Variants in MTHFD2L observed in about 807,000 individuals in gnomAD.
MTHFD2L encodes the protein methylenetetrahydrofolate dehydrogenase (NADP+ dependent) 2 like, also known as bifunctional methylenetetrahydrofolate dehydrogenase/cyclohydrolase 2, mitochondrial.
Under a neutral mutation model 34.9 loss-of-function variants are expected in MTHFD2L, and 29 were observed. The observed-to-expected ratio is 0.83, with a 90% CI of 0.62 to 1.13. MTHFD2L has a LOEUF of 1.13. Among genes scored for constraint, MTHFD2L ranks in the 50% most tolerant of loss-of-function variants. The pLI, the probability that MTHFD2L is intolerant of heterozygous loss-of-function variation, is 0.00. For synonymous variants in MTHFD2L, 167 were observed against 155.7 expected, an observed-to-expected ratio of 1.07 and a Z score of -0.54; for missense variants, 481 against 446.5, an observed-to-expected ratio of 1.08 and a Z score of -0.70.
chr4:74,240,175 G>A (rs1334705273), intron 6 of MTHFD2L, among the ~76,000 whole-genome samples: 4 of 152,190 alleles, frequency 2.6e-5, no homozygotes, highest in Non-Finnish European at 5.9e-5. Flanking sequence ...AGGGTTTTGA[G>A]CAGTTTGGAA....
intron 6 of MTHFD2L, among the ~76,000 whole-genome samples, chr4:74,278,249 A>T (rs930845218): frequency 6.6e-6 from 1 of 152,098 alleles, no homozygotes; most frequent in Non-Finnish European, 1.5e-5. Context: ...AGAGTTTGCT[A>T]AAAATATATT....
intron 1 of MTHFD2L, among the ~76,000 whole-genome samples, chr4:74,167,873 G>T (rs1427158267): frequency 6.6e-6 from 1 of 152,094 alleles, no homozygotes; most frequent in Non-Finnish European, 1.5e-5. Flanking sequence ...AATTTCTCAG[G>T]TCAGAAATGT....
chr4:74,214,874 G>T (rs921786293), intron 5 of MTHFD2L, among the ~76,000 whole-genome samples: 19 of 151,896 alleles, frequency 1.3e-4, no homozygotes, highest in Non-Finnish European at 2.4e-4. Flanking sequence ...CCTGACAGGG[G>T]CTGCTGCCTT....
At chr4:74,200,234 C>T (rs1460100351) in intron 4 of MTHFD2L, among the ~76,000 whole-genome samples, 1 of 152,056 alleles carries the variant, frequency 6.6e-6, no homozygotes, top group Admixed American at 6.6e-5. Context: ...ATGGCATGAA[C>T]CTGGGAGGCG....
At chr4:74,275,342 A>G (rs534636982) in intron 6 of MTHFD2L, among the ~76,000 whole-genome samples, 16 of 152,242 alleles carry the variant, frequency 1.1e-4, no homozygotes, top group Middle Eastern at 3.4e-3. Context: ...TATCCAGTCC[A>G]TCATTGATGG....
intron 1 of MTHFD2L, among the ~76,000 whole-genome samples, chr4:74,142,193 TTA>T (rs1191781260): frequency 1.3e-5 from 2 of 152,234 alleles, no homozygotes; most frequent in African/African-American, 4.8e-5. Flanking sequence ...CCTTGAAGTC[TTA>T]TGTTTTACCT....
intron 5 of MTHFD2L, among the ~76,000 whole-genome samples, chr4:74,215,394 G>A (rs1048532897): frequency 6.6e-6 from 1 of 151,792 alleles, no homozygotes; most frequent in African/African-American, 2.4e-5. Flanking sequence ...TATCTGGGCT[G>A]GAATGCATCG....
intron 1 of MTHFD2L, among the ~76,000 whole-genome samples, chr4:74,140,180 T>G (rs1578244929): frequency 6.6e-6 from 1 of 151,864 alleles, no homozygotes; most frequent in East Asian, 1.9e-4. Context: ...GGCACATGCC[T>G]GTAGTCCTAG....
At chr4:74,205,407 T>G (rs528036450) in intron 5 of MTHFD2L, among the ~76,000 whole-genome samples, 1 of 152,306 alleles carries the variant, frequency 6.6e-6, no homozygotes, top group East Asian at 1.9e-4. Context: ...ATGCCGTGTA[T>G]TTATTTCTTT....
chr4:74,185,152 A>C (rs1292845266), intron 3 of MTHFD2L, among the ~76,000 whole-genome samples: 1 of 101,544 alleles, frequency 9.8e-6, no homozygotes, highest in African/African-American at 6.0e-5. Flanking sequence ...ACTCCATCTC[A>C]AAAAAAAAAA....
At chr4:74,189,263 T>C (rs1246779769) in intron 3 of MTHFD2L, among the ~76,000 whole-genome samples, 2 of 152,074 alleles carry the variant, frequency 1.3e-5, no homozygotes, top group Non-Finnish European at 2.9e-5. Flanking sequence ...AAATACCCAA[T>C]ATTTTGTTTC....
At chr4:74,186,427 A>G (rs1182741321) in intron 3 of MTHFD2L, among the ~76,000 whole-genome samples, 9 of 104,470 alleles carry the variant, frequency 8.6e-5, no homozygotes, top group African/African-American at 2.8e-4. Flanking sequence ...GGAAAATTCA[A>G]GGGAATCCAT....
chr4:74,199,283 G>A (rs748411830), intron 3 of MTHFD2L, among the ~76,000 whole-genome samples: 13 of 152,014 alleles, frequency 8.6e-5, no homozygotes, highest in African/African-American at 1.4e-4. Context: ...GTGTGTGTGC[G>A]TGTGTGTTTT....
At chr4:74,168,281 A>T (rs1463731724) in intron 1 of MTHFD2L, among the ~76,000 whole-genome samples, 1 of 152,112 alleles carries the variant, frequency 6.6e-6, no homozygotes, top group Non-Finnish European at 1.5e-5. Context: ...TTCCACTGCA[A>T]CCATTGGCCT....
intron 6 of MTHFD2L, among the ~76,000 whole-genome samples, chr4:74,235,211 TAGAA>T (rs2110151765): frequency 6.6e-6 from 1 of 152,282 alleles, no homozygotes; most frequent in African/African-American, 2.4e-5. Flanking sequence ...ATTTGAATTT[TAGAA>T]AGATCACTTG....
chr4:74,201,915 A>T (rs774482998), intron 5 of MTHFD2L, among the ~76,000 whole-genome samples: 13 of 152,228 alleles, frequency 8.5e-5, no homozygotes, highest in Non-Finnish European at 1.8e-4. Context: ...GGTGTTGGTC[A>T]TCTGAACATC....
intron 1 of MTHFD2L, among the ~76,000 whole-genome samples, chr4:74,140,269 C>T (rs116233801): frequency 2.1e-3 from 313 of 152,186 alleles, no homozygotes; most frequent in African/African-American, 7.0e-3. Context: ...TACGCCACTA[C>T]ACTCCAGCCT....
At chr4:74,201,911 G>A (rs1043026307) in intron 5 of MTHFD2L, among the ~76,000 whole-genome samples, 4 of 152,134 alleles carry the variant, frequency 2.6e-5, no homozygotes, top group Non-Finnish European at 5.9e-5. Context: ...TCCAGGTGTT[G>A]GTCATCTGAA....
chr4:74,280,177 A>C (rs906703627), intron 6 of MTHFD2L: 1 of 152,252 alleles, frequency 6.6e-6, no homozygotes, highest in East Asian at 1.9e-4. Flanking sequence ...CCCATTGAGA[A>C]GTGGAGTCTC....
Sources: gnomAD v4.1 joint callset for allele counts (sites outside exome capture counted in the v4.1 genomes callset) on GRCh38, gnomAD v4.1.1 for gene constraint, MANE v1.5 for transcripts, NCBI Gene and HGNC (gene_info 2026-07-23, HGNC 2026-07-21) for gene names.